The following LRRFIP1 variants were observed in gnomAD, a reference collection of about 807,000 sequenced individuals.
LRRFIP1 encodes the protein LRR binding FLII interacting protein 1.
LRRFIP1 carries 62 observed loss-of-function variants against 104.4 expected under a neutral mutation model. The ratio of observed to expected loss-of-function variants is 0.59; its 90% CI spans 0.48 to 0.73. The LOEUF is 0.73. LRRFIP1 is among the 30% of genes least tolerant of loss of function. LRRFIP1 has a pLI of 0.00. For synonymous variants in LRRFIP1, 300 were observed against 299.0 expected, an observed-to-expected ratio of 1.00 and a Z score of -0.03; for missense variants, 796 against 824.5, an observed-to-expected ratio of 0.97 and a Z score of 0.42.
chr2:237,754,382 A>G (rs536135022), intron 15 of LRRFIP1, among the ~76,000 whole-genome samples: 1 of 152,352 alleles, frequency 6.6e-6, no homozygotes, highest in African/African-American at 2.4e-5. Flanking sequence ...ATCAGATATA[A>G]TTTCTATTGA....
intron 1 of LRRFIP1, among the ~76,000 whole-genome samples, chr2:237,652,940 G>A (rs1201300353): frequency 2.6e-5 from 4 of 152,166 alleles, no homozygotes; most frequent in African/African-American, 9.7e-5. Flanking sequence ...TGGATCATGG[G>A]GGCAGATTTC....
Position 237,717,669 on chromosome 2 carries a change from G to C in LRRFIP1, c.202-93G>C. 1.0e-6 allele frequency: 1 copy of C among 965,438 alleles called. No individual in the cohort carries two copies. Among genetic ancestry groups the C allele is most frequent in the Admixed American group, 1.7e-5 (1 of 59,084 alleles). 59.8% of individuals were successfully genotyped at this position (965,438 alleles called of 1,614,324 possible). A position where few individuals can be genotyped will look rare whatever the true frequency, so the allele number is the denominator to read the frequency against. On this transcript the variant is annotated intron_variant, in intron 3 of 23. Transcript: ENST00000308482. This position sits in a 1 kb window ranked among gnomAD's most constrained non-coding sequence, Gnocchi z 4.2. ...TACCTTCACCACACGGCTGGATGGC[G>C]GTTTGGAAATGCATGTCAGAACAGT...
At chr2:237,726,318 T>C (rs904934181) in intron 7 of LRRFIP1, among the ~76,000 whole-genome samples, 2 of 152,244 alleles carry the variant, frequency 1.3e-5, no homozygotes, top group Non-Finnish European at 2.9e-5. Context: ...GTCAAAGTTT[T>C]ATGAATCTGG....
At chr2:237,685,838 C>T (rs1270722976) in intron 1 of LRRFIP1, among the ~76,000 whole-genome samples, 2 of 152,238 alleles carry the variant, frequency 1.3e-5, no homozygotes, top group African/African-American at 4.8e-5. Context: ...TTCCTTGGTC[C>T]CGCCTTCCTT....
intron 15 of LRRFIP1, among the ~76,000 whole-genome samples, chr2:237,754,567 C>CGTT (rs564789345): frequency 4.6e-5 from 7 of 152,122 alleles, no homozygotes; most frequent in South Asian, 4.1e-4. Flanking sequence ...GTGTGAGTGT[C>CGTT]GTTGTTGTTG....
rs762774481 is a variant in LRRFIP1 at position 237,758,713 on chromosome 2, T to A, written c.1225-16T>A. Reference sequence around the variant, plus strand: ...TGCAAATCTTCTTCTTTCTCTTGGCTCTGCTGCACACTCAGGCATTAGAGA... The same window carrying A: ...TGCAAATCTTCTTCTTTCTCTTGGCACTGCTGCACACTCAGGCATTAGAGA... On this transcript the variant is annotated splice_polypyrimidine_tract_variant and intron_variant, in intron 17 of 23. Coordinates refer to ENST00000308482, the MANE Select transcript of LRRFIP1 (RefSeq NM_001137550.2). The A allele has an allele frequency of 6.3e-7, 1 of 1,577,774 alleles. No homozygotes were observed. The highest frequency in any genetic ancestry group is 1.1e-5 in the South Asian group (1 of 87,618).
chr2:237,658,080 G>A (rs2087153516), intron 1 of LRRFIP1, among the ~76,000 whole-genome samples: 1 of 152,190 alleles, frequency 6.6e-6, no homozygotes, highest in African/African-American at 2.4e-5. Context: ...GTGACAAACA[G>A]TACAAGGATT....
At chr2:237,652,100 A>G (rs1200074560) in intron 1 of LRRFIP1, among the ~76,000 whole-genome samples, 1 of 152,316 alleles carries the variant, frequency 6.6e-6, no homozygotes, top group Middle Eastern at 3.4e-3. Flanking sequence ...GGATCTTTCC[A>G]TCATAAACTT....
At chr2:237,746,825 C>T (rs967983816) in intron 11 of LRRFIP1, among the ~76,000 whole-genome samples, 2 of 152,154 alleles carry the variant, frequency 1.3e-5, no homozygotes, top group Admixed American at 6.5e-5. Flanking sequence ...TGGACAGGGC[C>T]TCAGGTGGGT....
At position 237,735,328 on chromosome 2, in the gene LRRFIP1, C is replaced by T. The variant is rs868811562; in HGVS notation, c.550C>T (p.Arg184Cys). 8.7e-6 allele frequency: 14 copies of T among 1,613,084 alleles called. No individual in the cohort carries two copies. Among genetic ancestry groups the T allele is most frequent in the South Asian group, 5.5e-5 (5 of 91,056 alleles). ...CCGACGGGGCAGCACCTCCGGCTCC[C>T]GTGCTGTAAGGCGCTTTCGGTGATA... is the stretch of plus-strand genomic sequence containing the variant. ...GTRRGSTSGS[R>C]APSEYSGHLN... The change falls in exon 10 of 24, where the codon CGT (arginine) becomes TGT (cysteine). Residue 184 changes from arginine to cysteine, a missense_variant. Transcript: ENST00000308482. The surrounding 1 kb of genome is among the most constrained non-coding windows in gnomAD (Gnocchi z 4.6).
rs747506205 is a variant in LRRFIP1 at position 237,723,624 on chromosome 2, CTG to C, written c.384+43_384+44del. 4 of 1,607,964 alleles carry C rather than the reference CTG, an allele frequency of 2.5e-6. No individual in the cohort carries two copies. The Admixed American group carries it at 6.7e-5, about 27-fold the overall frequency. On this transcript the variant is annotated intron_variant, in intron 7 of 23. Transcript: ENST00000308482. Reference sequence around the variant, plus strand: ...GATATACTTTGCTGTGTGACCTTAACTGTGTGGTGTGACCATAATAACCTGTG... The same window carrying C: ...GATATACTTTGCTGTGTGACCTTAACTGTGGTGTGACCATAATAACCTGTG...
intron 23 of LRRFIP1, among the ~76,000 whole-genome samples, chr2:237,776,479 A>G (rs1332248215): frequency 6.6e-6 from 1 of 152,076 alleles, no homozygotes; most frequent in Non-Finnish European, 1.5e-5. Flanking sequence ...TTCAGATCTG[A>G]TTTCTTTTGT....
chr2:237,703,613 C>T lies in LRRFIP1; in HGVS notation c.97-4931C>T, dbSNP rs916660379. On this transcript the variant is annotated intron_variant, in intron 1 of 23. Coordinates refer to ENST00000308482, the MANE Select transcript of LRRFIP1 (RefSeq NM_001137550.2). This position sits in a 1 kb window ranked among gnomAD's most constrained non-coding sequence, Gnocchi z 4.3. The stretch of plus-strand genomic sequence containing the variant: ...GGTCCGGCTTAGGGCTCCTGTCCTG[C>T]GGATGCCTTCCCCAGCCCCCCGGGG... Among the ~76,000 whole-genome samples, 116 of 152,018 alleles carry T rather than the reference C, an allele frequency of 7.6e-4. No individual in the cohort carries two copies. The highest frequency in any genetic ancestry group is 2.7e-3 in the African/African-American group (112 of 41,456).
intron 17 of LRRFIP1, 63 bp downstream of exon 17, chr2:237,757,611 T>C: frequency 1.6e-6 from 2 of 1,280,964 alleles, no homozygotes; most frequent in South Asian, 2.6e-5. Context: ...ATAGAGTTTT[T>C]TCAGAGTCTT....
At chr2:237,739,584 T>C (rs1287958370) in intron 11 of LRRFIP1, among the ~76,000 whole-genome samples, 1 of 152,184 alleles carries the variant, frequency 6.6e-6, no homozygotes, top group African/African-American at 2.4e-5. Context: ...ATTTGAAGTA[T>C]TGACTGTTAA....
intron 1 of LRRFIP1, among the ~76,000 whole-genome samples, chr2:237,702,709 C>T (rs1432095809): frequency 6.6e-6 from 1 of 152,156 alleles, no homozygotes; most frequent in Non-Finnish European, 1.5e-5. Context: ...GCAGCCAGAC[C>T]GAGCTATGCA....
At chr2:237,701,577 C>G (rs1288680954) in intron 1 of LRRFIP1, among the ~76,000 whole-genome samples, 3 of 152,208 alleles carry the variant, frequency 2.0e-5, no homozygotes, top group Non-Finnish European at 2.9e-5. Context: ...GTTCCCTGAC[C>G]CGGAAGAAGG....
intron 1 of LRRFIP1, among the ~76,000 whole-genome samples, chr2:237,652,248 T>G (rs1287470722): frequency 1.3e-5 from 2 of 152,226 alleles, no homozygotes; most frequent in East Asian, 3.8e-4. Context: ...AACTACACAG[T>G]TGGATCTGAG....
At chr2:237,749,912 G>A (rs751935338) in intron 13 of LRRFIP1, among the ~76,000 whole-genome samples, 29 of 152,104 alleles carry the variant, frequency 1.9e-4, no homozygotes, top group African/African-American at 5.3e-4. Flanking sequence ...AGAGAAACAC[G>A]GTGCTATTTG....
Sources: gnomAD v4.1 joint callset for allele counts (sites outside exome capture counted in the v4.1 genomes callset) on GRCh38, gnomAD v4.1.1 for gene constraint, Gnocchi (gnomAD v3.1) non-coding constraint, MANE v1.5 for transcripts, NCBI Gene and HGNC (gene_info 2026-07-23, HGNC 2026-07-21) for gene names.